MISFA: variants seen among roughly 807,000 people sequenced by gnomAD.
MISFA encodes the protein mitochondrial sheath formation-associated protein.
At chr11:18,607,545 T>C in the MISFA span, 2 of 152,596 alleles carry the variant, frequency 1.3e-5, no homozygotes, top group African/African-American at 4.8e-5. Context: ...CAGTAGAGAA[T>C]ACATTAAAAA....
the MISFA span, chr11:18,601,263 G>A: frequency 5.0e-6 from 2 of 398,384 alleles, no homozygotes; most frequent in African/African-American, 2.1e-5. Flanking sequence ...AGTGGAGAAT[G>A]TTTATTCCTC....
chr11:18,602,699 T>G, the MISFA span: 2 of 158,592 alleles, frequency 1.3e-5, no homozygotes, highest in African/African-American at 4.8e-5. Context: ...CCAGGCTTTT[T>G]TTCTTTTGCA....
At chr11:18,603,422 A>G in the MISFA span, among the ~76,000 whole-genome samples, 2 of 152,180 alleles carry the variant, frequency 1.3e-5, no homozygotes, top group African/African-American at 2.4e-5. Context: ...CTGTTGTGCT[A>G]ATGGACATTT....
At chr11:18,603,692 C>T in the MISFA span, 1 of 398,480 alleles carries the variant, frequency 2.5e-6, no homozygotes, top group Non-Finnish European at 4.4e-6. Context: ...CCAGTCCTTG[C>T]CTGGGAGGCC....
chr11:18,605,576 AGTAAT>A, the MISFA span, among the ~76,000 whole-genome samples: 4 of 152,144 alleles, frequency 2.6e-5, no homozygotes, highest in South Asian at 8.3e-4. Context: ...GCAAAACTTT[AGTAAT>A]TTCTGACTCT....
At chr11:18,602,966 CTTCAA>C in the MISFA span, 1 of 395,164 alleles carries the variant, frequency 2.5e-6, no homozygotes, top group East Asian at 3.6e-5. Context: ...TGAGGAGCCA[CTTCAA>C]TTCAGACTAG....
chr11:18,606,642 T>A, the MISFA span: 1 of 381,278 alleles, frequency 2.6e-6, no homozygotes, highest in Non-Finnish European at 5.0e-6. Context: ...TTTAATCACA[T>A]CCACTCAGAA....
the MISFA span, chr11:18,601,533 T>A: frequency 2.5e-6 from 1 of 398,106 alleles, no homozygotes; most frequent in Admixed American, 4.4e-5. Flanking sequence ...CTCAGCTTCT[T>A]GGGTAGCTGA....
the MISFA span, chr11:18,607,665 AAGAC>A: frequency 2.1e-3 from 313 of 152,594 alleles, 1 homozygote; most frequent in Non-Finnish European, 3.6e-3. Context: ...AACAACATGG[AAGAC>A]AGGATTTGGA....
the MISFA span, among the ~76,000 whole-genome samples, chr11:18,600,272 C>T: frequency 1.3e-4 from 20 of 152,042 alleles, no homozygotes; most frequent in Admixed American, 6.6e-4. Flanking sequence ...GGCGCGATCT[C>T]GGCTCACTGC....
the MISFA span, chr11:18,606,615 C>G: frequency 2.8e-6 from 1 of 355,140 alleles, no homozygotes; most frequent in Middle Eastern, 3.7e-4. Context: ...CTTAATCATA[C>G]ACTAAACGTC....
the MISFA span, chr11:18,603,934 T>TTC: frequency 2.8e-6 from 1 of 362,966 alleles, no homozygotes; most frequent in Non-Finnish European, 4.7e-6. Flanking sequence ...TTTTTTTTTT[T>TTC]TTTTTTTTTT....
the MISFA span, chr11:18,603,635 G>A: frequency 2.0e-5 from 8 of 396,764 alleles, no homozygotes; most frequent in East Asian, 1.1e-4. Context: ...CCTTGCATCC[G>A]GGATCAGAGG....
the MISFA span, chr11:18,603,916 ACTTT>A: frequency 7.0e-6 from 1 of 141,890 alleles, no homozygotes. Flanking sequence ...AAGTTACCGC[ACTTT>A]TTTTTTTTTT....
chr11:18,600,040 G>A, the MISFA span: 3 of 398,826 alleles, frequency 7.5e-6, no homozygotes, highest in African/African-American at 4.1e-5. Flanking sequence ...GGTCAGTCCT[G>A]TGCTGGCTCA....
chr11:18,601,728 G>T, the MISFA span: 1 of 390,492 alleles, frequency 2.6e-6, no homozygotes, highest in Non-Finnish European at 4.5e-6. Context: ...CATTTTTAAC[G>T]TCCCTTTTGG....
the MISFA span, chr11:18,601,445 T>C: frequency 2.5e-6 from 1 of 396,504 alleles, no homozygotes; most frequent in Non-Finnish European, 4.4e-6. Flanking sequence ...TTAATAGCAT[T>C]CTTTTTTTTT....
At chr11:18,601,730 C>T in the MISFA span, 1 of 390,660 alleles carries the variant, frequency 2.6e-6, no homozygotes, top group Middle Eastern at 6.5e-4. Context: ...TTTTTAACGT[C>T]CCTTTTGGCA....
At chr11:18,600,630 C>T in the MISFA span, among the ~76,000 whole-genome samples, 7 of 149,604 alleles carry the variant, frequency 4.7e-5, no homozygotes, top group African/African-American at 1.7e-4. Flanking sequence ...ATGCCATTCT[C>T]CTGCCTCAGC....
Sources: allele counts gnomAD v4.1 joint callset (sites outside exome capture counted in the v4.1 genomes callset), GRCh38; gene constraint gnomAD v4.1.1; transcripts MANE v1.5; gene names NCBI Gene and HGNC (gene_info 2026-07-23, HGNC 2026-07-21).